BOLL: variants seen among roughly 807,000 people sequenced by gnomAD.
The protein encoded by BOLL is boule RNA binding protein.
Under a neutral mutation model 44.4 loss-of-function variants are expected in BOLL, and 23 were observed. That is an observed-to-expected ratio of 0.52 (90% CI 0.37 to 0.73). The LOEUF is 0.73. BOLL is among the 30% of genes least tolerant of loss of function. The pLI, the probability that BOLL is intolerant of heterozygous loss-of-function variation, is 0.00. For synonymous variants in BOLL, 97 were observed against 110.8 expected (o/e 0.88, Z 0.78); for missense variants, 287 against 338.3 (o/e 0.85, Z 1.19).
At chr2:197,751,838 C>CAAA (rs537934386) in intron 9 of BOLL, among the ~76,000 whole-genome samples, 1 of 134,324 alleles carries the variant, frequency 7.4e-6, no homozygotes, top group African/African-American at 2.7e-5. Context: ...CAGAAACCAA[C>CAAA]AAAAAAAAAA....
intron 10 of BOLL, among the ~76,000 whole-genome samples, chr2:197,738,070 G>A (rs933796935): frequency 6.6e-6 from 1 of 152,076 alleles, no homozygotes; most frequent in Non-Finnish European, 1.5e-5. Context: ...CAAAACACTT[G>A]AGAATTCTCC....
intron 7 of BOLL, 40 bp downstream of exon 7, chr2:197,766,492 G>A: frequency 6.7e-7 from 1 of 1,497,376 alleles, no homozygotes; most frequent in Non-Finnish European, 9.3e-7. Context: ...AGAAAGGACT[G>A]AAAGTTTCAG....
At chr2:197,748,143 G>A (rs1461557924) in intron 9 of BOLL, among the ~76,000 whole-genome samples, 1 of 152,180 alleles carries the variant, frequency 6.6e-6, no homozygotes, top group East Asian at 1.9e-4. Flanking sequence ...GAAGCACAAG[G>A]GGTCAGGGAA....
At chr2:197,731,322 G>C (rs1167751049) in intron 10 of BOLL, among the ~76,000 whole-genome samples, 1 of 147,836 alleles carries the variant, frequency 6.8e-6, no homozygotes, top group Non-Finnish European at 1.5e-5. Flanking sequence ...AGCAAGTCCT[G>C]AGTGACCTAC....
At chr2:197,738,038 T>C (rs530904838) in intron 10 of BOLL, among the ~76,000 whole-genome samples, 1 of 152,240 alleles carries the variant, frequency 6.6e-6, no homozygotes, top group Admixed American at 6.5e-5. Context: ...AATGCAAAAA[T>C]GTAAAAACAC....
chr2:197,780,398 A>G (rs999057387), intron 2 of BOLL, among the ~76,000 whole-genome samples: 6 of 152,048 alleles, frequency 3.9e-5, no homozygotes, highest in Non-Finnish European at 7.4e-5. Flanking sequence ...CCGTCTCCAA[A>G]GTGCATGCTG....
chr2:197,770,702 C>A (rs1362280944), intron 6 of BOLL, among the ~76,000 whole-genome samples: 2 of 152,188 alleles, frequency 1.3e-5, no homozygotes, highest in African/African-American at 4.8e-5. Flanking sequence ...TTAACAGACA[C>A]TTCTTAAAAG....
intron 10 of BOLL, among the ~76,000 whole-genome samples, chr2:197,733,392 T>C (rs1437753643): frequency 6.7e-6 from 1 of 149,132 alleles, no homozygotes; most frequent in Non-Finnish European, 1.5e-5. Flanking sequence ...CTGCCCAAGG[T>C]AATTTACAGA....
At chr2:197,773,354 G>C (rs1202532547) in intron 5 of BOLL, among the ~76,000 whole-genome samples, 1 of 151,578 alleles carries the variant, frequency 6.6e-6, no homozygotes, top group Non-Finnish European at 1.5e-5. Context: ...CATTGAACAG[G>C]GCCCTAGTGA....
chr2:197,781,928 G>C, intron 1 of BOLL, 63 bp from the exon 2 acceptor site: 3 of 1,359,844 alleles, frequency 2.2e-6, no homozygotes, highest in Non-Finnish European at 2.9e-6. Context: ...TTTTGATGCA[G>C]ACCAAAAACA....
Position 197,766,594 on chromosome 2 carries a change from C to A in BOLL, c.490G>T (p.Val164Leu). The A allele has an allele frequency of 3.7e-6, 6 of 1,611,702 alleles. No homozygotes were observed. The highest frequency in any genetic ancestry group is 4.2e-6 in the Non-Finnish European group (5 of 1,178,482). Reference protein sequence around the residue: ...SVPPPWPSRSVCSSPVMVAQP... With the variant: ...SVPPPWPSRSLCSSPVMVAQP... Reference sequence around the variant, plus strand: ...GCTACCATCACAGGGGAGCTACATACAGAACGTGACTATAAAAGGATGGAA... The same window carrying A: ...GCTACCATCACAGGGGAGCTACATAAAGAACGTGACTATAAAAGGATGGAA... The change falls in exon 7 of 11, where the codon GTA (valine) becomes TTA (leucine). Residue 164 changes from valine to leucine, a missense_variant. By Grantham distance (32) the Val-to-Leu change is conservative. Transcript: ENST00000392296.
chr2:197,750,664 A>G (rs1688200895), intron 9 of BOLL, among the ~76,000 whole-genome samples: 2 of 152,242 alleles, frequency 1.3e-5, no homozygotes. Context: ...TTAGAAACCT[A>G]CACAGAGACT....
chr2:197,747,290 G>A (rs1278167146), intron 9 of BOLL, among the ~76,000 whole-genome samples: 1 of 151,950 alleles, frequency 6.6e-6, no homozygotes. Context: ...CCATAAAAAA[G>A]TAGGTGGGGC....
At chr2:197,750,151 TA>T (rs1688168885) in intron 9 of BOLL, among the ~76,000 whole-genome samples, 1 of 152,126 alleles carries the variant, frequency 6.6e-6, no homozygotes, top group South Asian at 2.1e-4. Flanking sequence ...AAGGAAGTAC[TA>T]AATATGGAAA....
intron 6 of BOLL, 79 bp downstream of exon 6, chr2:197,771,776 A>G (rs2106376830): frequency 7.3e-7 from 1 of 1,367,104 alleles, no homozygotes; most frequent in Non-Finnish European, 9.8e-7. Context: ...ATCTGTGGTT[A>G]AGATATTTCA....
At chr2:197,757,546 G>A (rs1047748562) in intron 7 of BOLL, 146 bp from the exon 8 acceptor site, 2 of 599,900 alleles carry the variant, frequency 3.3e-6, no homozygotes, top group Non-Finnish European at 5.7e-6. Flanking sequence ...AACTCAAAAT[G>A]GACCAGAGAC....
chr2:197,778,003 AG>A (rs1689596142), intron 3 of BOLL, among the ~76,000 whole-genome samples: 1 of 151,960 alleles, frequency 6.6e-6, no homozygotes, highest in African/African-American at 2.4e-5. Context: ...CACGCCACCC[AG>A]TGGAAAAGGC....
intron 2 of BOLL, among the ~76,000 whole-genome samples, chr2:197,780,389 C>T (rs1310834206): frequency 2.0e-5 from 3 of 151,978 alleles, no homozygotes; most frequent in African/African-American, 4.8e-5. Context: ...TTATAACAAC[C>T]GTCTCCAAAG....
At chr2:197,768,185 C>G (rs1251717212) in intron 6 of BOLL, among the ~76,000 whole-genome samples, 3 of 151,948 alleles carry the variant, frequency 2.0e-5, no homozygotes, top group Non-Finnish European at 4.4e-5. Context: ...CAAAATGTGT[C>G]ACGCTTTTTT....
Sources: allele counts gnomAD v4.1 joint callset (sites outside exome capture counted in the v4.1 genomes callset), GRCh38; gene constraint gnomAD v4.1.1; transcripts MANE v1.5; gene names NCBI Gene and HGNC (gene_info 2026-07-23, HGNC 2026-07-21).